CCDC7: variants seen among roughly 807,000 people sequenced by gnomAD.
The protein encoded by CCDC7 is coiled-coil domain-containing protein 7.
CCDC7 carries 183 observed loss-of-function variants against 196.9 expected under a neutral mutation model. That is an observed-to-expected ratio of 0.93 (90% CI 0.82 to 1.05). CCDC7 has a LOEUF of 1.05. Ranked by LOEUF, CCDC7 falls within the 50% of genes least tolerant of loss-of-function variation. The pLI, the probability that CCDC7 is intolerant of heterozygous loss-of-function variation, is 0.00. For missense variants in CCDC7, 1,540 were observed against 1,482.2 expected (o/e 1.04, Z -0.64); for synonymous variants, 525 against 484.6 (o/e 1.08, Z -1.10).
At chr10:32,574,419 T>A (rs1298323084) in intron 16 of CCDC7, 1 of 1,571,306 alleles carries the variant, frequency 6.4e-7, no homozygotes, top group Admixed American at 1.8e-5. Flanking sequence ...CATTTTGGGT[T>A]ACTTCTTAGA....
intron 8 of CCDC7, among the ~76,000 whole-genome samples, chr10:32,482,910 T>G (rs2040261457): frequency 6.6e-6 from 1 of 152,212 alleles, no homozygotes; most frequent in Non-Finnish European, 1.5e-5. Context: ...GTTGGACATT[T>G]GGGTTGGTTC....
At chr10:32,641,912 G>A (rs1046070578) in intron 20 of CCDC7, among the ~76,000 whole-genome samples, 11 of 152,168 alleles carry the variant, frequency 7.2e-5, no homozygotes, top group Non-Finnish European at 7.4e-5. Flanking sequence ...TTTGCTGGAG[G>A]TCCACTCCAG....
upstream of CCDC7, among the ~76,000 whole-genome samples, chr10:32,445,932 C>A (rs1196532107): frequency 1.3e-5 from 2 of 152,250 alleles, no homozygotes; most frequent in African/African-American, 2.4e-5. Flanking sequence ...TGAATCTGCG[C>A]TCAGGGGGCG....
At chr10:32,448,495 T>C (rs1008645751), upstream of CCDC7, among the ~76,000 whole-genome samples, 1 of 152,128 alleles carries the variant, frequency 6.6e-6, no homozygotes, top group Non-Finnish European at 1.5e-5. Flanking sequence ...TGAGAAATTA[T>C]TAGTTTTTAA....
downstream of CCDC7, among the ~76,000 whole-genome samples, chr10:32,879,906 A>G (rs995790419): frequency 6.6e-6 from 1 of 152,140 alleles, no homozygotes; most frequent in Non-Finnish European, 1.5e-5. Flanking sequence ...ATGGCTACAT[A>G]GTATTCCATG....
Position 32,463,015 on chromosome 10 carries a change from A to G in CCDC7, c.478-2A>G. 1 of 1,613,610 alleles carries G rather than the reference A, an allele frequency of 6.2e-7. No homozygotes were observed. The highest frequency in any genetic ancestry group is 8.5e-7 in the Non-Finnish European group (1 of 1,179,778). On this transcript the variant is annotated splice_acceptor_variant, in intron 4 of 41. Coordinates refer to ENST00000639629, the Ensembl canonical transcript of CCDC7. LOFTEE classifies it high-confidence loss of function. ...TTTTGTCCCTCTTTTGTTTTCTTAAAGTGGTTTCAGTGGCAGGTCAATCAG... is the reference window on the plus strand; with the variant it reads ...TTTTGTCCCTCTTTTGTTTTCTTAAGGTGGTTTCAGTGGCAGGTCAATCAG...
chr10:32,662,641 G>T (rs568181597), intron 20 of CCDC7, among the ~76,000 whole-genome samples: 1 of 152,222 alleles, frequency 6.6e-6, no homozygotes, highest in African/African-American at 2.4e-5. Context: ...TAAACAAATG[G>T]TCCAGGAGTG....
At chr10:32,678,294 TG>T (rs2075339668) in intron 21 of CCDC7, among the ~76,000 whole-genome samples, 1 of 152,176 alleles carries the variant, frequency 6.6e-6, no homozygotes, top group Non-Finnish European at 1.5e-5. Flanking sequence ...GAGCATCCCG[TG>T]GGGTTGTATT....
chr10:32,660,110 TTTTC>T (rs1226954247), intron 20 of CCDC7, among the ~76,000 whole-genome samples: 1 of 151,976 alleles, frequency 6.6e-6, no homozygotes, highest in African/African-American at 2.4e-5. Flanking sequence ...TTTCCTCTGT[TTTTC>T]TTTTTTTTTT....
chr10:32,866,895 C>T (rs2094218723), intron 41 of CCDC7, among the ~76,000 whole-genome samples: 2 of 151,408 alleles, frequency 1.3e-5, no homozygotes, highest in Admixed American at 1.3e-4. Context: ...ATTGCCATCA[C>T]AATATTTTGA....
At chr10:32,573,180 T>C (rs1021203341) in intron 16 of CCDC7, among the ~76,000 whole-genome samples, 4 of 152,176 alleles carry the variant, frequency 2.6e-5, no homozygotes, top group Non-Finnish European at 5.9e-5. Context: ...GCCCAGCTGG[T>C]GCTCTTATAT....
Position 32,766,362 on chromosome 10 carries a change from T to C in CCDC7, c.2906-12615T>C, listed in dbSNP as rs539250980. Among the ~76,000 whole-genome samples, 6 of 152,128 alleles carry C rather than the reference T, an allele frequency of 3.9e-5. No homozygotes were observed. In the East Asian group the frequency reaches 1.2e-3, roughly 29 times the overall value. On this transcript the variant is annotated intron_variant, in intron 28 of 41. Coordinates refer to ENST00000639629, the Ensembl canonical transcript of CCDC7. Reference sequence around the variant, plus strand: ...TCACTTACTGAGTGACCTGGAAATCTGTTAGTTTTGAGTGGAACCAAGAAC... The same window carrying C: ...TCACTTACTGAGTGACCTGGAAATCCGTTAGTTTTGAGTGGAACCAAGAAC...
At chr10:32,565,423 A>C in intron 13 of CCDC7, 135 bp from the exon 15 acceptor site, 1 of 773,486 alleles carries the variant, frequency 1.3e-6, no homozygotes, top group Non-Finnish European at 1.9e-6. Flanking sequence ...ATTACACTTG[A>C]GAGATGTGCA....
At chr10:32,741,817 T>G (rs2085905772) in intron 28 of CCDC7, among the ~76,000 whole-genome samples, 1 of 152,238 alleles carries the variant, frequency 6.6e-6, no homozygotes, top group African/African-American at 2.4e-5. Flanking sequence ...CTCTGTGTGA[T>G]TTTGTCAATA....
chr10:32,726,682 G>GT, intron 25 of CCDC7, 52 bp from the exon 27 acceptor site: 5 of 1,029,644 alleles, frequency 4.9e-6, no homozygotes, highest in Non-Finnish European at 7.3e-6. Context: ...CAATAGATTT[G>GT]TTTTTTCATT....
intron 25 of CCDC7, among the ~76,000 whole-genome samples, chr10:32,714,303 G>T (rs1019871790): frequency 6.6e-6 from 1 of 152,194 alleles, no homozygotes; most frequent in Non-Finnish European, 1.5e-5. Context: ...AAGGGGTCAG[G>T]GAACTCCTTC....
At chr10:32,785,184 T>C (rs993062212) in intron 29 of CCDC7, among the ~76,000 whole-genome samples, 4 of 152,196 alleles carry the variant, frequency 2.6e-5, no homozygotes, top group South Asian at 4.1e-4. Flanking sequence ...CAGATACTTA[T>C]AGAACACTTC....
At chr10:32,709,346 G>T (rs78154805) in intron 24 of CCDC7, among the ~76,000 whole-genome samples, 19,212 of 147,680 alleles carry the variant, frequency 0.13, 1,587 homozygotes, top group East Asian at 0.22. Context: ...GGGAGGGATA[G>T]CATTAAGAGA....
upstream of CCDC7, among the ~76,000 whole-genome samples, chr10:32,444,297 A>G (rs187674896): frequency 8.7e-4 from 133 of 152,324 alleles, no homozygotes; most frequent in African/African-American, 3.2e-3. Context: ...AGAATAATCG[A>G]TTCATGTCAC....
Sources: allele counts gnomAD v4.1 joint callset (sites outside exome capture counted in the v4.1 genomes callset), GRCh38; gene constraint gnomAD v4.1.1; transcripts MANE v1.5; gene names NCBI Gene and HGNC (gene_info 2026-07-23, HGNC 2026-07-21).